The following TMCO5A variants were observed in gnomAD, a reference collection of about 807,000 sequenced individuals.
The protein encoded by TMCO5A is transmembrane and coiled-coil domains 5A.
In TMCO5A, 34 loss-of-function variants were observed where a neutral mutation model predicts 42.3. The observed-to-expected ratio is 0.80, with a 90% CI of 0.61 to 1.07. The LOEUF is 1.07. Among genes scored for constraint, TMCO5A ranks in the 50% least tolerant of loss-of-function variants. The pLI is 0.00. For missense variants in TMCO5A, 357 were observed against 327.9 expected, an observed-to-expected ratio of 1.09 and a Z score of -0.69; for synonymous variants, 131 against 115.6, an observed-to-expected ratio of 1.13 and a Z score of -0.86.
the TMCO5A span, among the ~76,000 whole-genome samples, chr15:37,977,906 G>A: frequency 6.6e-6 from 1 of 152,162 alleles, no homozygotes; most frequent in African/African-American, 2.4e-5. Flanking sequence ...AACAAATAGT[G>A]GGGGCAGGGA....
At chr15:37,975,167 T>C in the TMCO5A span, among the ~76,000 whole-genome samples, 1 of 152,134 alleles carries the variant, frequency 6.6e-6, no homozygotes, top group African/African-American at 2.4e-5. Flanking sequence ...AATTGTGTGG[T>C]CTATTTTGGT....
chr15:37,995,778 T>C, the TMCO5A span, among the ~76,000 whole-genome samples: 56 of 151,300 alleles, frequency 3.7e-4, no homozygotes, highest in African/African-American at 1.3e-3. Context: ...ATATAAGAAA[T>C]AGATGAGAAA....
downstream of TMCO5A, among the ~76,000 whole-genome samples, chr15:37,953,960 G>A (rs1890224251): frequency 6.6e-6 from 1 of 151,722 alleles, no homozygotes; most frequent in South Asian, 2.1e-4. Context: ...AATTGATCAA[G>A]CAGAAGAAAG....
At chr15:37,991,686 T>A in the TMCO5A span, among the ~76,000 whole-genome samples, 1 of 152,078 alleles carries the variant, frequency 6.6e-6, no homozygotes, top group African/African-American at 2.4e-5. Flanking sequence ...CAAATCTGTT[T>A]TTGAATCCCT....
the TMCO5A span, among the ~76,000 whole-genome samples, chr15:37,973,389 C>T: frequency 5.3e-5 from 8 of 152,202 alleles, no homozygotes; most frequent in Middle Eastern, 0.01. Context: ...GTCAGTATGG[C>T]CATTTTAACA....
At chr15:37,998,039 T>G in the TMCO5A span, among the ~76,000 whole-genome samples, 1 of 152,198 alleles carries the variant, frequency 6.6e-6, no homozygotes, top group Non-Finnish European at 1.5e-5. Flanking sequence ...CCATTTTTAA[T>G]CAGATTGTTA....
chr15:37,990,531 A>G, the TMCO5A span, among the ~76,000 whole-genome samples: 1 of 152,040 alleles, frequency 6.6e-6, no homozygotes, highest in Non-Finnish European at 1.5e-5. Flanking sequence ...CGATGACAGC[A>G]TATAGTTGGA....
chr15:38,013,432 G>A, the TMCO5A span, among the ~76,000 whole-genome samples: 2 of 152,092 alleles, frequency 1.3e-5, no homozygotes, highest in Non-Finnish European at 2.9e-5. Flanking sequence ...AAATGCTTAC[G>A]AGATCCATCT....
the TMCO5A span, among the ~76,000 whole-genome samples, chr15:37,983,365 G>T: frequency 6.6e-6 from 1 of 151,784 alleles, no homozygotes; most frequent in African/African-American, 2.4e-5. Flanking sequence ...GTTCTGAGTT[G>T]AAAAAAAACA....
the TMCO5A span, among the ~76,000 whole-genome samples, chr15:38,016,583 C>T: frequency 6.6e-6 from 1 of 152,128 alleles, no homozygotes; most frequent in East Asian, 1.9e-4. Context: ...GGATCAAGCA[C>T]CTACGGTAAC....
At chr15:38,008,691 A>T in the TMCO5A span, among the ~76,000 whole-genome samples, 1 of 152,184 alleles carries the variant, frequency 6.6e-6, no homozygotes, top group African/African-American at 2.4e-5. Context: ...CAACTCCAAC[A>T]TGAAAAGCAC....
the TMCO5A span, among the ~76,000 whole-genome samples, chr15:38,039,074 T>A: frequency 5.9e-5 from 9 of 152,308 alleles, no homozygotes; most frequent in East Asian, 1.5e-3. Context: ...ATTCACATCA[T>A]CAGCTGTTTC....
At chr15:38,012,361 C>G in the TMCO5A span, among the ~76,000 whole-genome samples, 1 of 152,152 alleles carries the variant, frequency 6.6e-6, no homozygotes, top group Non-Finnish European at 1.5e-5. Flanking sequence ...TCACACCACT[C>G]AAATCAAATA....
At chr15:38,036,048 T>C in the TMCO5A span, among the ~76,000 whole-genome samples, 3 of 152,212 alleles carry the variant, frequency 2.0e-5, no homozygotes, top group Non-Finnish European at 4.4e-5. Flanking sequence ...AAGGTGAGAA[T>C]ACTGGAGTCA....
chr15:37,943,887 G>T (rs562593082), intron 10 of TMCO5A: 1 of 154,750 alleles, frequency 6.5e-6, no homozygotes, highest in Non-Finnish European at 1.4e-5. Flanking sequence ...GAGTTTCAGT[G>T]TCTGTTCATA....
At chr15:37,971,440 G>C (rs1235630760), downstream of TMCO5A, among the ~76,000 whole-genome samples, 1 of 152,200 alleles carries the variant, frequency 6.6e-6, no homozygotes, top group East Asian at 1.9e-4. Flanking sequence ...GATTGGAGGG[G>C]CTGCCATGAA....
At chr15:37,970,166 G>A (rs1230877111), downstream of TMCO5A, among the ~76,000 whole-genome samples, 1 of 152,190 alleles carries the variant, frequency 6.6e-6, no homozygotes, top group East Asian at 1.9e-4. Flanking sequence ...TGCTGATAAA[G>A]ACATACCCGA....
the TMCO5A span, among the ~76,000 whole-genome samples, chr15:37,998,899 TTTG>T: frequency 3.3e-5 from 5 of 152,098 alleles, no homozygotes; most frequent in South Asian, 2.1e-4. Context: ...GTTTTCTTTT[TTTG>T]TTGTTGTTGT....
chr15:38,039,227 C>G, the TMCO5A span, among the ~76,000 whole-genome samples: 1 of 151,916 alleles, frequency 6.6e-6, no homozygotes, highest in African/African-American at 2.4e-5. Flanking sequence ...TGGAATCATC[C>G]TAAGTAAATT....
Sources: allele counts gnomAD v4.1 joint callset (sites outside exome capture counted in the v4.1 genomes callset), GRCh38; gene constraint gnomAD v4.1.1; transcripts MANE v1.5; gene names NCBI Gene and HGNC (gene_info 2026-07-23, HGNC 2026-07-21).